Variants in BRAF observed in about 807,000 individuals in gnomAD.
BRAF encodes the protein B-Raf proto-oncogene, serine/threonine kinase.
BRAF carries 16 observed loss-of-function variants against 104.6 expected under a neutral mutation model. The observed-to-expected ratio is 0.15, with a 90% CI of 0.10 to 0.23. The LOEUF (loss-of-function observed/expected upper bound fraction) is 0.23. Among genes scored for constraint, BRAF ranks in the 10% least tolerant of loss-of-function variants. The pLI is 1.00. For missense variants in BRAF, 541 were observed against 937.3 expected (o/e 0.58, Z 5.52); for synonymous variants, 310 against 341.6 (o/e 0.91, Z 1.02).
At chr7:140,715,897 C>G (rs1197365214), downstream of BRAF, among the ~76,000 whole-genome samples, 2 of 152,158 alleles carry the variant, frequency 1.3e-5, no homozygotes, top group Non-Finnish European at 2.9e-5. Flanking sequence ...AGAAGTTGAG[C>G]TATAGATGGG....
the BRAF span, among the ~76,000 whole-genome samples, chr7:140,713,773 C>G: frequency 2.6e-4 from 40 of 152,266 alleles, no homozygotes; most frequent in African/African-American, 9.6e-4. Context: ...TGGTGACGTA[C>G]ATATGGGTTT....
At chr7:140,762,601 CTGT>C (rs1318206551) in intron 14 of BRAF, among the ~76,000 whole-genome samples, 8 of 122,230 alleles carry the variant, frequency 6.5e-5, no homozygotes, top group African/African-American at 2.7e-4. Context: ...AATCCAGGAG[CTGT>C]TTTTTTTTTT....
intron 7 of BRAF, chr7:140,799,942 G>C: frequency 2.7e-6 from 1 of 367,446 alleles, no homozygotes; most frequent in Non-Finnish European, 5.1e-6. Flanking sequence ...TTCTGAAATA[G>C]TCTATGTCAG....
intron 1 of BRAF, among the ~76,000 whole-genome samples, chr7:140,895,910 C>T (rs1196456514): frequency 6.6e-6 from 1 of 152,158 alleles, no homozygotes; most frequent in Non-Finnish European, 1.5e-5. Context: ...CTTCGACGTA[C>T]TGACTTCCCT....
chr7:140,718,395 C>T (rs1026748063), downstream of BRAF, among the ~76,000 whole-genome samples: 1 of 152,242 alleles, frequency 6.6e-6, no homozygotes, highest in Non-Finnish European at 1.5e-5. Context: ...GAATTACAGG[C>T]ATGCGCCACC....
At chr7:140,735,533 C>T (rs534910335) in intron 18 of BRAF, among the ~76,000 whole-genome samples, 1 of 152,096 alleles carries the variant, frequency 6.6e-6, no homozygotes, top group Non-Finnish European at 1.5e-5. Flanking sequence ...ATTATTATTA[C>T]TTTTGTTATT....
At chr7:140,714,213 A>G in the BRAF span, among the ~76,000 whole-genome samples, 2 of 152,176 alleles carry the variant, frequency 1.3e-5, no homozygotes, top group South Asian at 2.1e-4. Context: ...CTATTCGGCC[A>G]TCTTGGCTCC....
intron 14 of BRAF, among the ~76,000 whole-genome samples, chr7:140,758,614 C>T (rs998311674): frequency 1.3e-5 from 2 of 152,022 alleles, no homozygotes; most frequent in Admixed American, 6.6e-5. Context: ...GCCACCATGC[C>T]TGGATAATTA....
intron 18 of BRAF, among the ~76,000 whole-genome samples, chr7:140,737,028 C>A (rs1025049667): frequency 9.9e-5 from 15 of 151,312 alleles, no homozygotes; most frequent in Middle Eastern, 6.8e-3. Context: ...CCAGCCTGGG[C>A]AACAGAACAG....
chr7:140,771,892 G>A (rs1799876290), intron 14 of BRAF, among the ~76,000 whole-genome samples: 1 of 152,116 alleles, frequency 6.6e-6, no homozygotes, highest in African/African-American at 2.4e-5. Context: ...AGGAAAGAGA[G>A]CTGGAGGGAG....
At chr7:140,746,673 T>C (rs1797371773) in intron 17 of BRAF, among the ~76,000 whole-genome samples, 1 of 151,010 alleles carries the variant, frequency 6.6e-6, no homozygotes, top group East Asian at 2.0e-4. Context: ...CTACCAAAAA[T>C]ACAAAAAAAT....
Position 140,724,137 on chromosome 7 carries a change from AGT to A in BRAF, c.*2355_*2356del. The A allele has an allele frequency of 9.5e-7, 1 of 1,054,050 alleles. No homozygotes were observed. The highest frequency in any genetic ancestry group is 1.1e-6 in the Non-Finnish European group (1 of 872,194). The allele number at this position is 1,054,050 out of a possible 1,614,324, so 65.3% of individuals were successfully genotyped here. Reference sequence around the variant, plus strand: ...TATTCTAAAATGCAAGGGAAGAAAAAGTGTATCACCCTGAATATTGTTTAAGA... The same window carrying A: ...TATTCTAAAATGCAAGGGAAGAAAAAGTATCACCCTGAATATTGTTTAAGA... On this transcript the variant is annotated 3_prime_UTR_variant, in exon 20 of 20. Coordinates refer to ENST00000644969, the MANE Select transcript of BRAF (RefSeq NM_001374258.1).
chr7:140,725,425 TG>T lies in BRAF; in HGVS notation c.*1068del, dbSNP rs1266264001. 4.9e-5 allele frequency: 47 copies of T among 952,468 alleles called. No individual in the cohort carries two copies. Among genetic ancestry groups the T allele is most frequent in the African/African-American group, 6.9e-5 (4 of 57,878 alleles). 59.0% of individuals were successfully genotyped at this position (952,468 alleles called of 1,614,324 possible). Reference sequence around the variant, plus strand: ...GATATATAATTCTGGTGGGAAGTATTGTTTTTTTCCAATTCAATTAAATCTG... The same window carrying T: ...GATATATAATTCTGGTGGGAAGTATTTTTTTTTCCAATTCAATTAAATCTG... On this transcript the variant is annotated 3_prime_UTR_variant, in exon 20 of 20. Transcript: ENST00000644969.
chr7:140,804,885 AAAGTC>A (rs1399097228), intron 5 of BRAF, among the ~76,000 whole-genome samples: 7 of 151,802 alleles, frequency 4.6e-5, no homozygotes, highest in African/African-American at 1.7e-4. Context: ...GACTCACTGC[AAAGTC>A]TGCCTCCCAG....
chr7:140,870,966 G>T (rs891640395), intron 1 of BRAF, among the ~76,000 whole-genome samples: 9 of 151,560 alleles, frequency 5.9e-5, no homozygotes, highest in Admixed American at 1.3e-4. Flanking sequence ...GGTGGCTCAC[G>T]CCCGTAATCC....
rs151308995 is a variant in BRAF, at chr7:140,794,382, G to C, written c.1066C>G (p.Gln356Glu). 1 of 1,613,966 alleles carries C rather than the reference G, an allele frequency of 6.2e-7. No homozygotes were observed. The highest frequency in any genetic ancestry group is 8.5e-7 in the Non-Finnish European group (1 of 1,179,990). The change falls in exon 8 of 20, where the codon CAA becomes GAA. Residue 356 changes from glutamine to glutamate, a missense_variant. By Grantham distance (29) the Gln-to-Glu change is conservative (BLOSUM62 2). Around this residue, in one of 10 missense-constraint regions of BRAF, gnomAD observed 79 missense variants for 74.6 expected, o/e 1.06. Transcript: ENST00000644969. ...FRPADEDHRN[Q>E]FGQRDRSSSA... The stretch of plus-strand genomic sequence containing the variant: ...GAGGATCGGTCTCGTTGCCCAAATT[G>C]ATTTCGATGATCTTCATCTGCTGGT...
chr7:140,896,863 C>CAAAAA (rs766150256), intron 1 of BRAF, among the ~76,000 whole-genome samples: 4 of 36,742 alleles, frequency 1.1e-4, no homozygotes, highest in Non-Finnish European at 1.9e-4. Context: ...GACTCCATCT[C>CAAAAA]AAAAAAAAAA....
downstream of BRAF, among the ~76,000 whole-genome samples, chr7:140,718,840 G>A (rs1162529457): frequency 6.6e-6 from 1 of 152,180 alleles, no homozygotes; most frequent in Non-Finnish European, 1.5e-5. Flanking sequence ...ACTCACTGAG[G>A]TAACCAGCAT....
At chr7:140,836,589 G>A (rs1807366303) in intron 2 of BRAF, among the ~76,000 whole-genome samples, 1 of 152,172 alleles carries the variant, frequency 6.6e-6, no homozygotes, top group Non-Finnish European at 1.5e-5. Context: ...CCCAGACCCT[G>A]TTTCATAGTA....
Sources: allele counts gnomAD v4.1 joint callset (sites outside exome capture counted in the v4.1 genomes callset), GRCh38; gene constraint gnomAD v4.1.1; regional missense constraint gnomAD v4.1.1; transcripts MANE v1.5; gene names NCBI Gene and HGNC (gene_info 2026-07-23, HGNC 2026-07-21).